The following LRRIQ3 variants were observed in gnomAD, a reference collection of about 807,000 sequenced individuals.
LRRIQ3 encodes leucine rich repeats and IQ motif containing 3, also known as leucine-rich repeat and IQ domain-containing protein 3.
A neutral mutation model predicts 59.3 loss-of-function variants in LRRIQ3; 75 were observed. The ratio of observed to expected loss-of-function variants is 1.26; its 90% confidence interval spans 1.05 to 1.53. LRRIQ3 has a LOEUF of 1.53. LRRIQ3 is among the 40% of genes most tolerant of loss of function. The pLI is 0.00. For missense variants in LRRIQ3, 831 were observed against 710.0 expected (o/e 1.17, Z -1.94); for synonymous variants, 250 against 231.3 (o/e 1.08, Z -0.73).
chr1:74,044,097 T>G (rs1333698993), intron 6 of LRRIQ3, among the ~76,000 whole-genome samples: 1 of 152,164 alleles, frequency 6.6e-6, no homozygotes, highest in East Asian at 1.9e-4. Flanking sequence ...TAAAGCTCTA[T>G]GTAGTAGTTT....
chr1:74,141,767 T>C (rs1647264570), intron 4 of LRRIQ3, among the ~76,000 whole-genome samples: 1 of 151,872 alleles, frequency 6.6e-6, no homozygotes, highest in Non-Finnish European at 1.5e-5. Flanking sequence ...CAATATTATT[T>C]TGGTAAAATA....
At position 74,182,521 on chromosome 1, in the gene LRRIQ3, C is replaced by A; in HGVS notation, c.573+17G>T. ...TTATACATTTAATTAAAATGAAACC[C>A]TAAAGAAGCCAATTACCTTTCTCAA... On this transcript the variant is annotated intron_variant, in intron 3 of 7. Coordinates refer to ENST00000354431, the MANE Select transcript of LRRIQ3 (RefSeq NM_001105659.2). 4 of 1,463,960 alleles carry A rather than the reference C, an allele frequency of 2.7e-6. No homozygotes were observed. The highest frequency in any genetic ancestry group is 1.6e-5 in the South Asian group (1 of 62,944). The allele number at this position is 1,463,960 out of a possible 1,614,324, so 90.7% of individuals were successfully genotyped here. A position where few individuals can be genotyped will look rare whatever the true frequency, so the allele number is the denominator to read the frequency against.
intron 1 of LRRIQ3, among the ~76,000 whole-genome samples, chr1:74,193,073 C>T (rs955464895): frequency 1.3e-5 from 2 of 152,112 alleles, no homozygotes; most frequent in African/African-American, 4.8e-5. Flanking sequence ...GATATATCCT[C>T]CTCTACCAAG....
intron 4 of LRRIQ3, among the ~76,000 whole-genome samples, chr1:74,130,057 G>C (rs1414970124): frequency 6.6e-6 from 1 of 151,982 alleles, no homozygotes; most frequent in Admixed American, 6.6e-5. Flanking sequence ...ATGTTGTCTA[G>C]TGTTGGGTGA....
At chr1:74,145,822 T>C (rs576929867) in intron 4 of LRRIQ3, among the ~76,000 whole-genome samples, 2 of 152,270 alleles carry the variant, frequency 1.3e-5, no homozygotes, top group South Asian at 2.1e-4. Flanking sequence ...GAAGTAATTA[T>C]ATTTACCTCA....
chr1:74,050,560 T>A, intron 6 of LRRIQ3: 1 of 985,406 alleles, frequency 1.0e-6, no homozygotes. Flanking sequence ...GTATTGCAGA[T>A]TTATGAACCA....
chr1:74,078,373 A>AT (rs1557605053), intron 5 of LRRIQ3, among the ~76,000 whole-genome samples: 1 of 151,922 alleles, frequency 6.6e-6, no homozygotes, highest in East Asian at 1.9e-4. Context: ...AGTAAAAAAA[A>AT]CAAAATCAAT....
At chr1:74,105,250 T>C (rs1024856780) in intron 5 of LRRIQ3, among the ~76,000 whole-genome samples, 1 of 61,824 alleles carries the variant, frequency 1.6e-5, no homozygotes, top group South Asian at 9.3e-4. Context: ...TGTGTGTGTG[T>C]GTGTGTATTT....
chr1:74,073,229 T>C (rs1655075585), intron 6 of LRRIQ3, among the ~76,000 whole-genome samples: 1 of 152,064 alleles, frequency 6.6e-6, no homozygotes, highest in Non-Finnish European at 1.5e-5. Flanking sequence ...TCCAAGACTT[T>C]TGGCCAGGCA....
At chr1:74,156,936 C>T (rs1648367844) in intron 3 of LRRIQ3, among the ~76,000 whole-genome samples, 2 of 152,004 alleles carry the variant, frequency 1.3e-5, no homozygotes, top group Non-Finnish European at 2.9e-5. Flanking sequence ...TGAAGCACCT[C>T]TTCTGAAAAT....
At chr1:74,080,124 T>A (rs1285064826) in intron 5 of LRRIQ3, among the ~76,000 whole-genome samples, 1 of 151,696 alleles carries the variant, frequency 6.6e-6, no homozygotes, top group Non-Finnish European at 1.5e-5. Context: ...ATATCTTTAG[T>A]CAGATACATC....
At chr1:74,091,520 A>T (rs540288567) in intron 5 of LRRIQ3, among the ~76,000 whole-genome samples, 134 of 152,246 alleles carry the variant, frequency 8.8e-4, no homozygotes, top group Middle Eastern at 3.4e-3. Context: ...TTATTGATTA[A>T]ACGTAGCTAA....
At chr1:74,055,588 C>A (rs2100427886) in intron 6 of LRRIQ3, among the ~76,000 whole-genome samples, 1 of 152,160 alleles carries the variant, frequency 6.6e-6, no homozygotes, top group East Asian at 1.9e-4. Context: ...CAGGACTGGG[C>A]AATGCATTTT....
chr1:74,139,273 G>A (rs1240801131), intron 4 of LRRIQ3, among the ~76,000 whole-genome samples: 2 of 142,782 alleles, frequency 1.4e-5, no homozygotes, highest in African/African-American at 5.0e-5. Context: ...AGAAGGAAGG[G>A]AGAAAGGAAG....
chr1:74,100,915 G>C (rs572196487), intron 5 of LRRIQ3, among the ~76,000 whole-genome samples: 1 of 152,146 alleles, frequency 6.6e-6, no homozygotes, highest in South Asian at 2.1e-4. Context: ...AATTCAAGAT[G>C]GATTAAAGAC....
intron 4 of LRRIQ3, among the ~76,000 whole-genome samples, chr1:74,155,442 C>A (rs1648260278): frequency 6.6e-6 from 1 of 152,120 alleles, no homozygotes; most frequent in Non-Finnish European, 1.5e-5. Context: ...TAAAATCTTC[C>A]ATGTATGTTC....
intron 5 of LRRIQ3, among the ~76,000 whole-genome samples, chr1:74,085,779 A>G (rs899276300): frequency 2.0e-5 from 3 of 152,038 alleles, no homozygotes; most frequent in Admixed American, 6.6e-5. Context: ...GGTGAAGCAG[A>G]GAAGGACATA....
chr1:74,099,979 C>G (rs1646506790), intron 5 of LRRIQ3, among the ~76,000 whole-genome samples: 1 of 152,142 alleles, frequency 6.6e-6, no homozygotes, highest in Non-Finnish European at 1.5e-5. Context: ...TGGAAGCATT[C>G]CCTTTGAAAA....
chr1:74,030,961 A>T (rs76640738), intron 7 of LRRIQ3, among the ~76,000 whole-genome samples: 125,725 of 152,046 alleles, frequency 0.83, 53,515 homozygotes, highest in East Asian at 0.97. Context: ...GGATATAAAC[A>T]GACACTTCTC....
Sources: allele counts gnomAD v4.1 joint callset (sites outside exome capture counted in the v4.1 genomes callset), GRCh38; gene constraint gnomAD v4.1.1; transcripts MANE v1.5; gene names NCBI Gene and HGNC (gene_info 2026-07-23, HGNC 2026-07-21).